Variants in RABL6 observed in about 807,000 individuals in gnomAD.
The protein encoded by RABL6 is RAB, member RAS oncogene family like 6.
A neutral mutation model predicts 72.9 loss-of-function variants in RABL6; 28 were observed. That is an observed-to-expected ratio of 0.38 (90% CI 0.28 to 0.53). The LOEUF (loss-of-function observed/expected upper bound fraction) is 0.53. Among genes scored for constraint, RABL6 ranks in the 20% least tolerant of loss-of-function variants. The probability of loss-of-function intolerance (pLI) is 0.80; values close to 1 mark genes in which losing one functional copy is unlikely to be tolerated. For missense variants in RABL6, 1,029 were observed against 1,008.4 expected (o/e 1.02, Z -0.28); for synonymous variants, 477 against 421.2 (o/e 1.13, Z -1.62).
intron 1 of RABL6, chr9:136,821,769 A>C (rs888838995): frequency 3.5e-6 from 4 of 1,158,274 alleles, no homozygotes; most frequent in Non-Finnish European, 4.3e-6. Context: ...AGGGCGCTGC[A>C]GGCGGCCTCT....
intron 5 of RABL6, 53 bp downstream of exon 5, chr9:136,829,537 CT>C: frequency 6.9e-7 from 1 of 1,454,632 alleles, no homozygotes. Context: ...CCCCTAGCCC[CT>C]TGGGCGCCCT....
In RABL6 at chr9:136,828,473, TTTTG is replaced by T. The variant is rs1848403946; in HGVS notation, c.314-13_314-10del. The T allele has an allele frequency of 5.0e-6, 8 of 1,612,400 alleles. No homozygotes were observed. The highest frequency in any genetic ancestry group is 6.8e-6 in the Non-Finnish European group (8 of 1,179,640). On this transcript the variant is annotated splice_polypyrimidine_tract_variant and intron_variant, in intron 3 of 14. Transcript: ENST00000311502. ...AGGCCCAGGGGTTCCACCTCGTAAT[TTTTG>T]TTTGTTTTTAAATAAGGAAAATGCA...
At chr9:136,828,385 A>G in intron 3 of RABL6, 109 bp from the exon 4 acceptor site, 1 of 1,111,716 alleles carries the variant, frequency 9.0e-7, no homozygotes, top group Non-Finnish European at 1.3e-6. Context: ...GTGGTGGAGT[A>G]GAGCACCCGC....
intron 7 of RABL6, among the ~76,000 whole-genome samples, chr9:136,834,763 C>T (rs1481274541): frequency 2.6e-5 from 4 of 152,144 alleles, no homozygotes; most frequent in East Asian, 3.9e-4. Context: ...CAGGTGTGAG[C>T]CACCACGCCC....
chr9:136,831,012 G>C (rs536565767), intron 5 of RABL6: 3 of 154,776 alleles, frequency 1.9e-5, no homozygotes, highest in Non-Finnish European at 4.4e-5. Context: ...GGCCGGCCTT[G>C]GTGAGGGGCC....
chr9:136,833,784 T>G (rs1397490324), intron 7 of RABL6: 1 of 1,550,500 alleles, frequency 6.4e-7, no homozygotes, highest in Admixed American at 2.0e-5. Context: ...GAAGTGAGGA[T>G]GCCTGCAGGC....
intron 1 of RABL6, chr9:136,815,155 G>C (rs996502409): frequency 3.1e-6 from 1 of 318,624 alleles, no homozygotes; most frequent in Admixed American, 4.4e-5. Flanking sequence ...CCTCCTCATC[G>C]CTGTCTTCCT....
intron 1 of RABL6, among the ~76,000 whole-genome samples, chr9:136,817,574 T>TGGGAAGGCCGACGTGGGCTGA (rs1848145607): frequency 9.6e-6 from 1 of 104,674 alleles, no homozygotes; most frequent in East Asian, 2.9e-4. Context: ...ACGTGGGCTG[T>TGGGAAGGCCGACGTGGGCTGA]GGGGAGGCCG....
intron 1 of RABL6, chr9:136,813,092 A>T: frequency 2.6e-6 from 1 of 386,636 alleles, no homozygotes; most frequent in South Asian, 2.3e-5. Context: ...CTTGCCCAAC[A>T]AAGCTGTCGA....
At chr9:136,825,993 G>A (rs1031350563) in intron 3 of RABL6, among the ~76,000 whole-genome samples, 167 bp downstream of exon 3, 3 of 152,182 alleles carry the variant, frequency 2.0e-5, no homozygotes, top group Non-Finnish European at 2.9e-5. Context: ...ACCCCGCAGC[G>A]TGGCGCAGCC....
At chr9:136,812,734 C>T in intron 1 of RABL6, 1 of 312,104 alleles carries the variant, frequency 3.2e-6, no homozygotes, top group Non-Finnish European at 6.3e-6. Flanking sequence ...ATAAAAACCC[C>T]AGCGTCCTTT....
At chr9:136,809,476 G>T in intron 1 of RABL6, 1 of 298,684 alleles carries the variant, frequency 3.3e-6, no homozygotes, top group African/African-American at 2.3e-5. Context: ...GAGCATCTAG[G>T]TATGAAAGTT....
At chr9:136,813,202 G>T in intron 1 of RABL6, 1 of 512,154 alleles carries the variant, frequency 2.0e-6, no homozygotes, top group East Asian at 4.5e-5. Flanking sequence ...ACTCCAGCCT[G>T]ATTGCCCTGC....
chr9:136,808,034 G>C lies in RABL6; in HGVS notation c.-163G>C, dbSNP rs1588340025. On this transcript the variant is annotated 5_prime_UTR_variant, in exon 1 of 15. Transcript: ENST00000311502. ...CAGCCGCGGCTGAGGTTCCCGAGTC[G>C]CCGCTCGGGGCTGCGCTCCGCCGCC... 9.5e-7 allele frequency: 1 copy of C among 1,053,040 alleles called. No homozygotes were observed. The highest frequency in any genetic ancestry group is 1.1e-6 in the Non-Finnish European group (1 of 871,108). 65.2% of individuals were successfully genotyped at this position (1,053,040 alleles called of 1,614,324 possible). A position where few individuals can be genotyped will look rare whatever the true frequency, so the allele number is the denominator to read the frequency against.
At position 136,826,035 on chromosome 9, in the gene RABL6, A is replaced by C. The variant is rs948251892; in HGVS notation, c.313+209A>C. Among the ~76,000 whole-genome samples the C allele has an allele frequency of 2.0e-5, 3 of 152,116 alleles. No homozygotes were observed. Among genetic ancestry groups the C allele is most frequent in the Non-Finnish European group, 4.4e-5 (3 of 68,002 alleles). ...GTGGCACTGCATGCTTTGCTGCTTT[A>C]GCATACTCCCCGTCTCTGAGTGACC... On this transcript the variant is annotated intron_variant, in intron 3 of 14. Coordinates refer to ENST00000311502, the MANE Select transcript of RABL6 (RefSeq NM_024718.5). This position sits in a 1 kb window ranked among gnomAD's most constrained non-coding sequence, Gnocchi z 4.9.
At position 136,826,750 on chromosome 9, in the gene RABL6, C is replaced by G. The variant is rs1404441252; in HGVS notation, c.313+924C>G. Reference sequence around the variant, plus strand: ...GGCCACCCACCGCCCTATCATTGTCCTCATCCCCACTGTGAGGAGAAGCTA... The same window carrying G: ...GGCCACCCACCGCCCTATCATTGTCGTCATCCCCACTGTGAGGAGAAGCTA... On this transcript the variant is annotated intron_variant, in intron 3 of 14. Transcript: ENST00000311502. The surrounding 1 kb of genome is among the most constrained non-coding windows in gnomAD (Gnocchi z 4.9). 1 of 152,232 alleles carries G rather than the reference C, an allele frequency of 6.6e-6. No individual in the cohort carries two copies. Among genetic ancestry groups the G allele is most frequent in the Non-Finnish European group, 1.5e-5 (1 of 68,092 alleles). 9.4% of individuals were successfully genotyped at this position (152,232 alleles called of 1,614,324 possible). A position where few individuals can be genotyped will look rare whatever the true frequency, so the allele number is the denominator to read the frequency against.
intron 5 of RABL6, among the ~76,000 whole-genome samples, chr9:136,831,298 G>A (rs1462248127): frequency 6.6e-6 from 1 of 152,188 alleles, no homozygotes; most frequent in South Asian, 2.1e-4. Flanking sequence ...GGCACCCCAG[G>A]GTGTCCTCGG....
At chr9:136,839,982 G>A in intron 13 of RABL6, 117 bp downstream of exon 13, 1 of 1,481,884 alleles carries the variant, frequency 6.7e-7, no homozygotes, top group Non-Finnish European at 9.2e-7. Flanking sequence ...GCTGTGCCAT[G>A]CTCCTGGCAG....
chr9:136,824,661 C>CA lies in RABL6; in HGVS notation c.265+1015dup, dbSNP rs560659208. Among the ~76,000 whole-genome samples the CA allele has an allele frequency of 5.1e-3, 698 of 137,292 alleles. 3 individuals carry two copies. The highest frequency in any genetic ancestry group is 6.8e-3 in the Non-Finnish European group (424 of 62,660). The allele number at this position is 137,292 out of a possible 152,430, so 90.1% of individuals were successfully genotyped here. A position where few individuals can be genotyped will look rare whatever the true frequency, so the allele number is the denominator to read the frequency against. ...TTTTAAACACCTTTCCTTTTCACTG[C>CA]AAAAAAAAAAAAACTAGTGGGTTAC... is the stretch of plus-strand genomic sequence containing the variant. On this transcript the variant is annotated intron_variant, in intron 2 of 14. Coordinates refer to ENST00000311502, the MANE Select transcript of RABL6 (RefSeq NM_024718.5).
Sources: gnomAD v4.1 joint callset for allele counts (sites outside exome capture counted in the v4.1 genomes callset) on GRCh38, gnomAD v4.1.1 for gene constraint, Gnocchi (gnomAD v3.1) non-coding constraint, MANE v1.5 for transcripts, NCBI Gene and HGNC (gene_info 2026-07-23, HGNC 2026-07-21) for gene names.